The following PDE4B variants were observed in gnomAD, a reference collection of about 807,000 sequenced individuals.
PDE4B encodes phosphodiesterase 4B.
In PDE4B, 20 loss-of-function variants were observed where a neutral mutation model predicts 82.2. The ratio of observed to expected loss-of-function variants is 0.24; its 90% CI spans 0.17 to 0.35. PDE4B has a LOEUF of 0.35. Ranked by LOEUF, PDE4B falls within the 10% of genes least tolerant of loss-of-function variation. PDE4B has a pLI of 1.00. For synonymous variants in PDE4B, 320 were observed against 318.9 expected (o/e 1.00, Z -0.04); for missense variants, 655 against 907.2 (o/e 0.72, Z 3.57).
intron 3 of PDE4B, among the ~76,000 whole-genome samples, chr1:66,085,785 T>G (rs1656972461): frequency 6.6e-6 from 1 of 152,086 alleles, no homozygotes; most frequent in Non-Finnish European, 1.5e-5. Context: ...CAGTACATAT[T>G]TCCCTTGGTC....
chr1:65,842,622 A>G (rs1279879392), intron 1 of PDE4B, among the ~76,000 whole-genome samples: 2 of 152,174 alleles, frequency 1.3e-5, no homozygotes. Context: ...CAAGCTTAAG[A>G]TGGTACTTAG....
intron 7 of PDE4B, among the ~76,000 whole-genome samples, chr1:66,286,679 T>C (rs1570626654): frequency 6.6e-6 from 1 of 152,160 alleles, no homozygotes; most frequent in Middle Eastern, 3.4e-3. Flanking sequence ...AACATAAACA[T>C]GGGAAAACTT....
chr1:66,127,026 T>A (rs2101097102), intron 3 of PDE4B, among the ~76,000 whole-genome samples: 1 of 152,060 alleles, frequency 6.6e-6, no homozygotes, highest in East Asian at 1.9e-4. Context: ...AGACTGAAGA[T>A]AAATAAGGCA....
chr1:66,184,108 A>G (rs1647129772), intron 3 of PDE4B, among the ~76,000 whole-genome samples: 1 of 152,150 alleles, frequency 6.6e-6, no homozygotes, highest in African/African-American at 2.4e-5. Context: ...AGGTCAGGCT[A>G]TTAGTGGCTG....
At chr1:66,141,941 C>T (rs1418255165) in intron 3 of PDE4B, among the ~76,000 whole-genome samples, 1 of 152,062 alleles carries the variant, frequency 6.6e-6, no homozygotes, top group Non-Finnish European at 1.5e-5. Flanking sequence ...TACTTTTATT[C>T]CCCCCACCAA....
At chr1:65,891,041 A>G (rs912653555) in intron 1 of PDE4B, among the ~76,000 whole-genome samples, 3 of 152,086 alleles carry the variant, frequency 2.0e-5, no homozygotes, top group Non-Finnish European at 4.4e-5. Flanking sequence ...CTATAATAGT[A>G]CCAGATGAAA....
intron 3 of PDE4B, among the ~76,000 whole-genome samples, chr1:66,078,132 A>C (rs192597482): frequency 6.6e-6 from 1 of 151,990 alleles, no homozygotes; most frequent in Non-Finnish European, 1.5e-5. Context: ...TTAAGGTTGC[A>C]TGGCTAGTAA....
At chr1:66,001,519 G>C (rs1163644516) in intron 3 of PDE4B, among the ~76,000 whole-genome samples, 2 of 151,994 alleles carry the variant, frequency 1.3e-5, no homozygotes, top group East Asian at 3.9e-4. Context: ...GTATTCCTTT[G>C]TATTGGGTGT....
At chr1:66,235,509 A>G (rs984448603) in intron 3 of PDE4B, among the ~76,000 whole-genome samples, 1 of 152,102 alleles carries the variant, frequency 6.6e-6, no homozygotes, top group African/African-American at 2.4e-5. Context: ...ATTAATATAG[A>G]CATTCTAGAT....
At chr1:66,007,652 T>C (rs1395646400) in intron 3 of PDE4B, among the ~76,000 whole-genome samples, 1 of 152,142 alleles carries the variant, frequency 6.6e-6, no homozygotes, top group Non-Finnish European at 1.5e-5. Context: ...TGAGCTATAC[T>C]TGAGAATCTG....
intron 1 of PDE4B, among the ~76,000 whole-genome samples, chr1:65,874,250 T>C (rs1461898879): frequency 6.6e-6 from 1 of 151,882 alleles, no homozygotes; most frequent in African/African-American, 2.4e-5. Context: ...ATGCTTGTGA[T>C]TTTTGTACAT....
intron 7 of PDE4B, among the ~76,000 whole-genome samples, chr1:66,326,812 T>C (rs1454081920): frequency 1.3e-5 from 2 of 152,226 alleles, no homozygotes; most frequent in African/African-American, 2.4e-5. Flanking sequence ...TTGCTAATCA[T>C]GTGTAATTGA....
intron 1 of PDE4B, among the ~76,000 whole-genome samples, chr1:65,886,913 A>G (rs1226369602): frequency 6.6e-6 from 1 of 152,022 alleles, no homozygotes; most frequent in African/African-American, 2.4e-5. Flanking sequence ...GCTAAATTAT[A>G]TTTTTGTTGT....
chr1:66,358,426 G>C (rs1662444685), intron 9 of PDE4B, among the ~76,000 whole-genome samples: 2 of 152,168 alleles, frequency 1.3e-5, no homozygotes, highest in South Asian at 2.1e-4. Flanking sequence ...TGTAATCCCA[G>C]CACGTTCAGA....
chr1:66,027,840 A>G (rs950163449), intron 3 of PDE4B, among the ~76,000 whole-genome samples: 8 of 152,220 alleles, frequency 5.3e-5, no homozygotes, highest in African/African-American at 1.9e-4. Context: ...GTGGGTTCCC[A>G]TGGTCTTGGG....
intron 3 of PDE4B, among the ~76,000 whole-genome samples, chr1:66,131,604 T>TATATATATAG (rs1645948349): frequency 1.3e-5 from 1 of 79,066 alleles, no homozygotes; most frequent in Non-Finnish European, 2.3e-5. Context: ...TATATATATA[T>TATATATATAG]ATATATATAT....
Position 66,015,322 on chromosome 1 carries a change from A to C in PDE4B, c.281+96487A>C, listed in dbSNP as rs1234041412. On this transcript the variant is annotated intron_variant, in intron 3 of 16. Coordinates refer to ENST00000341517, the MANE Select transcript of PDE4B (RefSeq NM_002600.4). The stretch of plus-strand genomic sequence containing the variant: ...CTCCTCCTACTTCTGAGCTACTTAC[A>C]GGAGAAAGATGCCCAATTGACAATA... Among the ~76,000 whole-genome samples the C allele has an allele frequency of 1.3e-5, 2 of 152,194 alleles. 1 individual carries two copies. The highest frequency in any genetic ancestry group is 3.9e-4 in the East Asian group (2 of 5,194).
At chr1:66,362,272 C>A (rs148055059) in intron 10 of PDE4B, among the ~76,000 whole-genome samples, 25 of 152,298 alleles carry the variant, frequency 1.6e-4, no homozygotes, top group African/African-American at 6.0e-4. Context: ...CTGCACTAAT[C>A]TGTAGTGCTG....
chr1:66,343,226 G>C (rs956590806), intron 8 of PDE4B, among the ~76,000 whole-genome samples: 1 of 152,082 alleles, frequency 6.6e-6, no homozygotes, highest in Non-Finnish European at 1.5e-5. Context: ...TAAAACAGTG[G>C]ACTTCCAACT....
Sources: gnomAD v4.1 joint callset for allele counts (sites outside exome capture counted in the v4.1 genomes callset) on GRCh38, gnomAD v4.1.1 for gene constraint, MANE v1.5 for transcripts, NCBI Gene and HGNC (gene_info 2026-07-23, HGNC 2026-07-21) for gene names.